The following SCAF8 variants were observed in gnomAD, a reference collection of about 807,000 sequenced individuals.
SCAF8 encodes the protein SR-related CTD associated factor 8, also known as SR-related and CTD-associated factor 8.
A neutral mutation model predicts 140.5 loss-of-function variants in SCAF8; 23 were observed. The observed-to-expected ratio is 0.16, with a 90% CI of 0.12 to 0.23. The LOEUF (loss-of-function observed/expected upper bound fraction) is 0.23, where lower values mean the gene tolerates loss of function less well. SCAF8 is among the 10% of genes least tolerant of loss of function. SCAF8 has a pLI of 1.00. For missense variants in SCAF8, 1,397 were observed against 1,555.7 expected, an observed-to-expected ratio of 0.90 and a Z score of 1.72; for synonymous variants, 575 against 528.9, an observed-to-expected ratio of 1.09 and a Z score of -1.20.
At chr6:154,812,198 T>TA (rs1778112494) in intron 12 of SCAF8, among the ~76,000 whole-genome samples, 1 of 106,564 alleles carries the variant, frequency 9.4e-6, no homozygotes, top group African/African-American at 3.7e-5. Flanking sequence ...TTTTTTTTTT[T>TA]TAAATAGGTT....
At chr6:154,763,685 A>G (rs889778553) in intron 1 of SCAF8, among the ~76,000 whole-genome samples, 5 of 152,084 alleles carry the variant, frequency 3.3e-5, no homozygotes, top group Admixed American at 2.0e-4. Context: ...CATTTAATGC[A>G]TAGAGGAGGG....
At chr6:154,792,704 G>A (rs946824271) in intron 4 of SCAF8, 119 bp from the exon 5 acceptor site, 2 of 624,214 alleles carry the variant, frequency 3.2e-6, no homozygotes, top group African/African-American at 1.9e-5. Context: ...GGGCTAGAAA[G>A]TACCATTGAA....
At chr6:154,821,346 A>T (rs1185021504) in intron 15 of SCAF8, among the ~76,000 whole-genome samples, 1 of 150,664 alleles carries the variant, frequency 6.6e-6, no homozygotes, top group Non-Finnish European at 1.5e-5. Context: ...ATTCTGTTTT[A>T]CTTTTTTTTT....
rs758285237 is a variant in SCAF8 at position 154,820,324 on chromosome 6, G to A, written c.1783G>A (p.Val595Ile). The change falls in exon 15 of 20, where the codon GTA (valine) becomes ATA (isoleucine). Residue 595 changes from valine (V) to isoleucine (I), a missense_variant. Physicochemically the swap from Val to Ile is conservative, Grantham distance 29 (BLOSUM62 3). Coordinates refer to ENST00000367178, the MANE Select transcript of SCAF8 (RefSeq NM_014892.5). ...AGGAGGCATGATTGATCAGGAGACT[G>A]TAAATACTGGTAAGAATTCTAAGGT... The part of the protein sequence containing the change: ...AEGGMIDQET[V>I]NTEWETVKSS... 2.9e-5 allele frequency: 46 copies of A among 1,602,942 alleles called. No homozygotes were observed. The highest frequency in any genetic ancestry group is 3.8e-5 in the Non-Finnish European group (45 of 1,176,690).
chr6:154,789,972 T>A (rs1417170832), intron 4 of SCAF8, among the ~76,000 whole-genome samples: 1 of 152,254 alleles, frequency 6.6e-6, no homozygotes, highest in African/African-American at 2.4e-5. Flanking sequence ...TTACTGTGAT[T>A]TAGAAATTTC....
intron 3 of SCAF8, among the ~76,000 whole-genome samples, chr6:154,784,568 G>A (rs1004028896): frequency 1.3e-5 from 2 of 152,188 alleles, no homozygotes; most frequent in African/African-American, 4.8e-5. Flanking sequence ...AATATTCCAC[G>A]AAATTCCAGA....
rs528019834 is a variant in SCAF8, at chr6:154,754,587, T to G, written c.31-19402T>G. Among the ~76,000 whole-genome samples the G allele has an allele frequency of 5.3e-5, 8 of 152,336 alleles. No individual in the cohort carries two copies. The South Asian group carries it at 1.7e-3, about 32-fold the overall frequency. On this transcript the variant is annotated intron_variant, in intron 1 of 19. Coordinates refer to ENST00000367178, the MANE Select transcript of SCAF8 (RefSeq NM_014892.5). ...GCCATTCTGAAAGCAAAAACAGTTG[T>G]GATAGTGTTTAATAATTGACAGTGG...
Position 154,795,060 on chromosome 6 carries a change from A to C in SCAF8, c.527A>C (p.Asp176Ala), listed in dbSNP as rs1228694440. The change falls in exon 6 of 20, where the codon GAT becomes GCT. Residue 176 changes from aspartate to alanine, a missense_variant. Asp to Ala is a moderately radical substitution (Grantham distance 126). This residue lies in a region of SCAF8 where 339 missense variants were observed against 407.5 expected (regional missense o/e 0.83). Transcript: ENST00000367178. ...GCCAATGTGGTCCAAGGCTTACCTGATCCGTGGGTATCTCAGATAACAAAT... is the reference window on the plus strand; with the variant it reads ...GCCAATGTGGTCCAAGGCTTACCTGCTCCGTGGGTATCTCAGATAACAAAT... ...TPANVVQGLP[D>A]PWVSQITNTD... The C allele has an allele frequency of 2.5e-6, 4 of 1,613,654 alleles. No homozygotes were observed. In the South Asian group the frequency reaches 4.4e-5, roughly 18 times the overall value.
chr6:154,786,570 C>T (rs753568015), intron 3 of SCAF8, among the ~76,000 whole-genome samples: 10 of 152,212 alleles, frequency 6.6e-5, no homozygotes, highest in Non-Finnish European at 1.2e-4. Flanking sequence ...CTGAGTCAAA[C>T]CGTAAACTAA....
At position 154,824,323 on chromosome 6, in the gene SCAF8, A is replaced by G. The variant is rs1371465075; in HGVS notation, c.2016A>G (p.Pro672=). ...SMPVPPPGFS[P]IPPPPFLRAS... is the part of the protein sequence containing the mutation. ...CGGTTCCTCCTCCTGGATTCAGTCC[A>G]ATCCCTCCACCTCCTTTTTTAAGAG... The change falls in exon 17 of 20, where the codon CCA becomes CCG. Residue 672 remains proline (P), a synonymous_variant. Coordinates refer to ENST00000367178, the MANE Select transcript of SCAF8 (RefSeq NM_014892.5). 6.2e-7 allele frequency: 1 copy of G among 1,613,984 alleles called. No homozygotes were observed. Among genetic ancestry groups the G allele is most frequent in the Non-Finnish European group, 8.5e-7 (1 of 1,179,838 alleles).
chr6:154,744,734 A>C (rs1342094664), intron 1 of SCAF8, among the ~76,000 whole-genome samples: 1 of 152,180 alleles, frequency 6.6e-6, no homozygotes, highest in African/African-American at 2.4e-5. Context: ...CCAAATACAA[A>C]TTTATTTTTT....
chr6:154,810,437 A>G (rs1778057712), intron 12 of SCAF8, among the ~76,000 whole-genome samples: 2 of 152,212 alleles, frequency 1.3e-5, no homozygotes, highest in South Asian at 4.2e-4. Flanking sequence ...TTTGTTTTTC[A>G]AATGCAAGTT....
Position 154,833,181 on chromosome 6 carries a change from G to T in SCAF8, c.3602G>T (p.Gly1201Val). 1 of 1,614,016 alleles carries T rather than the reference G, an allele frequency of 6.2e-7. No homozygotes were observed. Among genetic ancestry groups the T allele is most frequent in the Middle Eastern group, 1.7e-4 (1 of 6,060 alleles). ...PHARVFDYFE[G>V]ATSQRKGDNV... ...GCTCGGGTTTTTGATTATTTTGAAG[G>T]GGCCACTTCTCAACGAAAAGGTGAT... The change falls in exon 20 of 20, where the codon GGG becomes GTG. Residue 1201 changes from glycine (G) to valine (V), a missense_variant. Physicochemically the swap from Gly to Val is moderately radical, Grantham distance 109. Around this residue, in one of 5 missense-constraint regions of SCAF8, gnomAD observed 930 missense variants for 874.6 expected, o/e 1.06. Coordinates refer to ENST00000367178, the MANE Select transcript of SCAF8 (RefSeq NM_014892.5).
intron 1 of SCAF8, among the ~76,000 whole-genome samples, chr6:154,744,013 T>C (rs961890354): frequency 4.6e-5 from 7 of 152,194 alleles, no homozygotes; most frequent in African/African-American, 1.7e-4. Flanking sequence ...TTAACCACTT[T>C]ACTGGGCACG....
chr6:154,830,991 T>C lies in SCAF8; in HGVS notation c.2210T>C (p.Ile737Thr), dbSNP rs149544317. Residue 737 changes from isoleucine (I) to threonine (T), a missense_variant, in exon 19 of 20, where the codon ATA becomes ACA. Coordinates refer to ENST00000367178, the MANE Select transcript of SCAF8 (RefSeq NM_014892.5). ...GATGTTGGATTTGGTAGCCTTGTTA[T>C]ACCAGGCGGTTCTGTTGCCAGCAAT... ...VKDVGFGSLV[I>T]PGGSVASNLA... is the part of the protein sequence containing the mutation. The C allele has an allele frequency of 8.1e-6, 13 of 1,614,010 alleles. No individual in the cohort carries two copies. The highest frequency in any genetic ancestry group is 3.3e-5 in the Admixed American group (2 of 60,018).
chr6:154,819,689 A>G (rs1328124571), intron 14 of SCAF8, among the ~76,000 whole-genome samples: 2 of 152,210 alleles, frequency 1.3e-5, no homozygotes, highest in African/African-American at 2.4e-5. Flanking sequence ...GGACTGCACT[A>G]TTAGAGTTAC....
Position 154,733,767 on chromosome 6 carries a change from A to C in SCAF8, c.-134A>C. 7.3e-7 allele frequency: 1 copy of C among 1,363,376 alleles called. No individual in the cohort carries two copies. The highest frequency in any genetic ancestry group is 9.4e-7 in the Non-Finnish European group (1 of 1,062,374). 84.5% of individuals were successfully genotyped at this position (1,363,376 alleles called of 1,614,324 possible). ...GCGCGTGCCCTTCCACTCCGCCCCG[A>C]GGTCGCAGCGGCCCGCTCTCCCGCC... On this transcript the variant is annotated 5_prime_UTR_variant, in exon 1 of 20. Transcript: ENST00000367178.
chr6:154,784,032 A>C (rs1777161946), intron 3 of SCAF8, among the ~76,000 whole-genome samples: 1 of 151,062 alleles, frequency 6.6e-6, no homozygotes, highest in South Asian at 2.1e-4. Flanking sequence ...ATGCCACTGC[A>C]CTCCAGCCTG....
rs763589406 is a variant in SCAF8, at chr6:154,801,924, G to GA, written c.607-41dup. 3.5e-6 allele frequency: 5 copies of GA among 1,433,464 alleles called. No homozygotes were observed. The African/African-American group carries it at 4.3e-5, about 12-fold the overall frequency. 88.8% of individuals were successfully genotyped at this position (1,433,464 alleles called of 1,614,324 possible). On this transcript the variant is annotated intron_variant, in intron 6 of 19. Coordinates refer to ENST00000367178, the MANE Select transcript of SCAF8 (RefSeq NM_014892.5). ...AAAGTTTTAGGTGGCCACTCTTACAGAAAAAACCCAACACCTGTTTTGTAA... is the reference window on the plus strand; with the variant it reads ...AAAGTTTTAGGTGGCCACTCTTACAGAAAAAAACCCAACACCTGTTTTGTAA...
Sources: gnomAD v4.1 joint callset for allele counts (sites outside exome capture counted in the v4.1 genomes callset) on GRCh38, gnomAD v4.1.1 for gene constraint, gnomAD v4.1.1 regional missense constraint, MANE v1.5 for transcripts, NCBI Gene and HGNC (gene_info 2026-07-23, HGNC 2026-07-21) for gene names.